The following TTN variants were observed in gnomAD, a reference collection of about 807,000 sequenced individuals.
TTN encodes connectin.
A neutral mutation model predicts 3,223.0 loss-of-function variants in TTN; 1,525 were observed. The observed-to-expected ratio is 0.47, with a 90% CI of 0.45 to 0.49. The LOEUF is 0.49. TTN is among the 20% of genes least tolerant of loss of function. The pLI, the probability that TTN is intolerant of heterozygous loss-of-function variation, is 0.00. For missense variants in TTN, 40,786 were observed against 43,424.0 expected (o/e 0.94, Z 5.40); for synonymous variants, 14,094 against 15,161.0 (o/e 0.93, Z 5.17).
chr2:178,561,600 G>T lies in TTN; in HGVS notation c.84532C>A (p.Pro28178Thr). Reference sequence around the variant, plus strand: ...ACTCGACTTCCTCCATCATTAACTGGCACTTGCCAGGTTACAAGCATGGTA... The same window carrying T: ...ACTCGACTTCCTCCATCATTAACTGTCACTTGCCAGGTTACAAGCATGGTA... ...KSTMLVTWQV[P>T]VNDGGSRVIG... Residue 28178 changes from proline to threonine, a missense_variant, in exon 326 of 363, where the codon CCA becomes ACA. Coordinates refer to ENST00000589042, the MANE Select transcript of TTN (RefSeq NM_001267550.2). 2 of 1,613,094 alleles carry T rather than the reference G, an allele frequency of 1.2e-6. No individual in the cohort carries two copies. The highest frequency in any genetic ancestry group is 1.7e-6 in the Non-Finnish European group (2 of 1,179,496).
Position 178,577,011 on chromosome 2 carries a change from A to G in TTN, c.69324T>C (p.Asn23108=), listed in dbSNP as rs147525123. Residue 23108 remains asparagine (N), a synonymous_variant, in exon 324 of 363, where the codon AAT becomes AAC. Coordinates refer to ENST00000589042, the MANE Select transcript of TTN (RefSeq NM_001267550.2). The part of the protein sequence containing the change: ...RHVATKLIQG[N]EYIFRVSAVN... ...CAGCTGAGACCCGGAAGATGTACTC[A>G]TTTCCTTGGATAAGTTTGGTTGCCA... 3 of 1,613,408 alleles carry G rather than the reference A, an allele frequency of 1.9e-6. No homozygotes were observed. The highest frequency in any genetic ancestry group is 2.5e-6 in the Non-Finnish European group (3 of 1,179,558).
intron 113 of TTN, 43 bp downstream of exon 113, chr2:178,697,078 A>C: frequency 6.8e-7 from 1 of 1,480,630 alleles, no homozygotes; most frequent in Non-Finnish European, 9.2e-7. Context: ...AGAAGTGCAA[A>C]TCTCAGGAAT....
chr2:178,692,598 C>T lies in TTN; in HGVS notation c.31595-18G>A, dbSNP rs1477509887. On this transcript the variant is annotated intron_variant, in intron 119 of 362. Transcript: ENST00000589042. Reference sequence around the variant, plus strand: ...CTCAGGGACTTTAAAAGAAAAGTGCCATTTTTGAGAAAGTGTGCATTTGAC... The same window carrying T: ...CTCAGGGACTTTAAAAGAAAAGTGCTATTTTTGAGAAAGTGTGCATTTGAC... 1.1e-5 allele frequency: 16 copies of T among 1,498,664 alleles called. No homozygotes were observed. The highest frequency in any genetic ancestry group is 1.4e-5 in the African/African-American group (1 of 70,712). 92.8% of individuals were successfully genotyped at this position (1,498,664 alleles called of 1,614,324 possible).
chr2:178,629,462 A>G lies in TTN; in HGVS notation c.44282-19T>C. ...ACTCGTGCTTTTCGAGAGGGAAGAA[A>G]CAGCTTTGCGTTACTCATTTTGTAA... is the stretch of plus-strand genomic sequence containing the variant. On this transcript the variant is annotated intron_variant, in intron 239 of 362. Coordinates refer to ENST00000589042, the MANE Select transcript of TTN (RefSeq NM_001267550.2). 1 of 1,612,448 alleles carries G rather than the reference A, an allele frequency of 6.2e-7. No individual in the cohort carries two copies. Among genetic ancestry groups the G allele is most frequent in the Non-Finnish European group, 8.5e-7 (1 of 1,179,054 alleles).
At position 178,592,259 on chromosome 2, in the gene TTN, C is replaced by G. The variant is rs1309373929; in HGVS notation, c.59645G>C (p.Arg19882Thr). Residue 19882 changes from arginine (R) to threonine (T), a missense_variant, in exon 302 of 363, where the codon AGA (arginine) becomes ACA (threonine). Coordinates refer to ENST00000589042, the MANE Select transcript of TTN (RefSeq NM_001267550.2). ...CCTAATTTCACTGACTTCCAGATCT[C>G]TAGGTGGCCCAGGTTTATCTAAAAA... is the stretch of plus-strand genomic sequence containing the variant. ...VLVLDKPGPP[R>T]DLEVSEIRKD... The G allele has an allele frequency of 1.2e-6, 2 of 1,611,404 alleles. No homozygotes were observed. Among genetic ancestry groups the G allele is most frequent in the African/African-American group, 1.3e-5 (1 of 74,816 alleles).
At position 178,577,420 on chromosome 2, in the gene TTN, A is replaced by G. The variant is rs2046677771; in HGVS notation, c.68915T>C (p.Leu22972Pro). 3 of 1,612,066 alleles carry G rather than the reference A, an allele frequency of 1.9e-6. No homozygotes were observed. In the Admixed American group the frequency reaches 5.0e-5, roughly 27 times the overall value. ...ACTTGATTTTGGAAGGGGTTTGCCA[A>G]GAATGCTAATGGCATTCAAAACAAT... The part of the protein sequence containing the change: ...DTIVLNAISI[L>P]GKPLPKSSWS... Residue 22972 changes from leucine (L) to proline (P), a missense_variant, in exon 324 of 363, where the codon CTT (leucine) becomes CCT (proline). Leu to Pro is a moderately conservative substitution (Grantham distance 98). Coordinates refer to ENST00000589042, the MANE Select transcript of TTN (RefSeq NM_001267550.2).
Position 178,531,898 on chromosome 2 carries a change from T to G in TTN, c.104717A>C (p.Asp34906Ala), listed in dbSNP as rs753500331. The G allele has an allele frequency of 6.8e-6, 11 of 1,612,586 alleles. No homozygotes were observed. The highest frequency in any genetic ancestry group is 8.5e-6 in the Non-Finnish European group (10 of 1,179,206). Residue 34906 changes from aspartate (D) to alanine (A), a missense_variant, in exon 358 of 363, where the codon GAT becomes GCT. Asp to Ala is a moderately radical substitution (Grantham distance 126). Transcript: ENST00000589042. ...CATGGACTCATACCTGGAAAAGATA[T>G]CAAATCTTGCAGACCTCTCAAATCT... ...LSRFERSARF[D>A]IFSRYESMKA...
intron 42 of TTN, 112 bp downstream of exon 42, chr2:178,764,415 G>A (rs2089988412): frequency 6.2e-7 from 1 of 1,609,788 alleles, no homozygotes; most frequent in Admixed American, 1.7e-5. Flanking sequence ...TTCAAAGTTG[G>A]GTAGCAATCT....
chr2:178,567,067 A>G lies in TTN; in HGVS notation c.79065T>C (p.Asn26355=). Residue 26355 remains asparagine (N), a synonymous_variant, in exon 326 of 363, where the codon AAT becomes AAC. Coordinates refer to ENST00000589042, the MANE Select transcript of TTN (RefSeq NM_001267550.2). ...CAGCCATTATACGGAAAACATATTC[A>G]TTACCTTCTAAGAGTTTGGTAACTT... ...SLKVTKLLEG[N]EYVFRIMAVN... The G allele has an allele frequency of 6.2e-7, 1 of 1,613,570 alleles. No individual in the cohort carries two copies. The highest frequency in any genetic ancestry group is 8.5e-7 in the Non-Finnish European group (1 of 1,179,616).
At position 178,688,150 on chromosome 2, in the gene TTN, TTTC is replaced by T. The variant is rs765140449; in HGVS notation, c.32269_32271del (p.Glu10757del). ...ACCTCTGCTTCTTCCTCCTCCTCTC[TTTC>T]TTCTTCTCTATAAACTGAAATGGAC... On this transcript the variant is annotated inframe_deletion, in exon 127 of 363. Transcript: ENST00000589042. 2.7e-5 allele frequency: 44 copies of T among 1,612,940 alleles called. No homozygotes were observed. The highest frequency in any genetic ancestry group is 3.6e-5 in the Non-Finnish European group (42 of 1,179,720).
At position 178,802,240 on chromosome 2, in the gene TTN, G is replaced by C; in HGVS notation, c.193C>G (p.Leu65Val). ...GCTTTAGTCACGGCGGGGATCGTCA[G>C]TTTAGCGCGGCCATCGCTAAAGGAG... ...QISFSDGRAKLTIPAVTKANS... is the reference protein window; with the variant it reads ...QISFSDGRAKVTIPAVTKANS... Residue 65 changes from leucine (L) to valine (V), a missense_variant, in exon 3 of 363, where the codon CTG becomes GTG. Physicochemically the swap from Leu to Val is conservative, Grantham distance 32. Transcript: ENST00000589042. The C allele has an allele frequency of 6.2e-7, 1 of 1,614,108 alleles. No homozygotes were observed.
chr2:178,721,044 A>G lies in TTN; in HGVS notation c.22975T>C (p.Phe7659Leu). 6.2e-7 allele frequency: 1 copy of G among 1,613,414 alleles called. No homozygotes were observed. Among genetic ancestry groups the G allele is most frequent in the Non-Finnish European group, 8.5e-7 (1 of 1,179,434 alleles). The change falls in exon 79 of 363, where the codon TTC (phenylalanine) becomes CTC (leucine). Residue 7659 changes from phenylalanine to leucine, a missense_variant. Phe to Leu is a conservative substitution (Grantham distance 22). Coordinates refer to ENST00000589042, the MANE Select transcript of TTN (RefSeq NM_001267550.2). Reference sequence around the variant, plus strand: ...GTAAGCAATGCCACAGAATTAATGAATGACATGTTGTATTTCCAACTTTCA... The same window carrying G: ...GTAAGCAATGCCACAGAATTAATGAGTGACATGTTGTATTTCCAACTTTCA... ...LHESWKYNMS[F>L]INSVALLTIN...
At chr2:178,619,079 A>G (rs2057852348) in intron 250 of TTN, 3 of 597,104 alleles carry the variant, frequency 5.0e-6, no homozygotes, top group South Asian at 4.6e-5. Context: ...GCATAAAATC[A>G]TAAGACATGC....
chr2:178,677,232 A>G lies in TTN; in HGVS notation c.34347T>C (p.Pro11449=). 1 of 1,222,642 alleles carries G rather than the reference A, an allele frequency of 8.2e-7. No individual in the cohort carries two copies. The highest frequency in any genetic ancestry group is 1.0e-6 in the Non-Finnish European group (1 of 982,702). The allele number at this position is 1,222,642 out of a possible 1,614,324, so 75.7% of individuals were successfully genotyped here. The change falls in exon 147 of 363, where the codon CCT becomes CCC. Residue 11449 remains proline (P), a synonymous_variant. Transcript: ENST00000589042. ...VPEKKVPVPA[P]KKVEPPPPPK... ...GTGGTGGTGGAGGTTCCACTTTTTTAGGGGCGGGAACAGGGACTTTCTTCT... is the reference window on the plus strand; with the variant it reads ...GTGGTGGTGGAGGTTCCACTTTTTTGGGGGCGGGAACAGGGACTTTCTTCT...
In TTN at chr2:178,622,008, C is replaced by A; in HGVS notation, c.44914G>T (p.Val14972Phe). ...ECELSRENAKVKWFKDGAEIK... is the reference protein window; with the variant it reads ...ECELSRENAKFKWFKDGAEIK... ...TCAGCACCATCTTTAAACCACTTAA[C>A]CTATATTTAAGATAAATAGATTATC... Residue 14972 changes from valine (V) to phenylalanine (F), a missense_variant and splice_region_variant, in exon 244 of 363, where the codon GTT becomes TTT. Val to Phe is a conservative substitution (Grantham distance 50). Coordinates refer to ENST00000589042, the MANE Select transcript of TTN (RefSeq NM_001267550.2). 6.2e-7 allele frequency: 1 copy of A among 1,601,242 alleles called. No homozygotes were observed. Among genetic ancestry groups the A allele is most frequent in the East Asian group, 2.3e-5 (1 of 44,296 alleles).
rs1201440175 is a variant in TTN at position 178,569,638 on chromosome 2, A to G, written c.76494T>C (p.Pro25498=). The part of the protein sequence containing the change: ...GVGEHADVPG[P]IIVEEKLEAP... Reference sequence around the variant, plus strand: ...CTTCTAATTTTTCTTCAACTATAATAGGTCCAGGGACGTCAGCATGTTCTC... The same window carrying G: ...CTTCTAATTTTTCTTCAACTATAATGGGTCCAGGGACGTCAGCATGTTCTC... The change falls in exon 326 of 363, where the codon CCT becomes CCC. Residue 25498 remains proline, a synonymous_variant. Coordinates refer to ENST00000589042, the MANE Select transcript of TTN (RefSeq NM_001267550.2). The G allele has an allele frequency of 1.2e-6, 2 of 1,611,996 alleles. No individual in the cohort carries two copies. The highest frequency in any genetic ancestry group is 1.1e-5 in the South Asian group (1 of 90,904).
intron 242 of TTN, 70 bp from the exon 243 acceptor site, chr2:178,622,837 C>A: frequency 8.4e-7 from 1 of 1,188,786 alleles, no homozygotes. Context: ...CCATAGTATA[C>A]ATTAAGAAAA....
Position 178,568,669 on chromosome 2 carries a change from A to T in TTN, c.77463T>A (p.Ile25821=). ...TAATGGTTGGCTTAGGACGTCCAGA[A>T]ATTGGCACTTCTATTTTCAAATCTT... ...VGQDLKIEVP[I]SGRPKPTITW... is the part of the protein sequence containing the mutation. The change falls in exon 326 of 363, where the codon ATT becomes ATA. Residue 25821 remains isoleucine, a synonymous_variant. Coordinates refer to ENST00000589042, the MANE Select transcript of TTN (RefSeq NM_001267550.2). 1 of 1,613,386 alleles carries T rather than the reference A, an allele frequency of 6.2e-7. No homozygotes were observed. The highest frequency in any genetic ancestry group is 1.1e-5 in the South Asian group (1 of 91,044).
In TTN at chr2:178,775,419, T is replaced by G. The variant is rs967525723; in HGVS notation, c.6445A>C (p.Ile2149Leu). The G allele has an allele frequency of 6.2e-7, 1 of 1,613,956 alleles. No individual in the cohort carries two copies. Among genetic ancestry groups the G allele is most frequent in the Non-Finnish European group, 8.5e-7 (1 of 1,180,010 alleles). ...GCTATGTTGATGGCTTTTACCATGA[T>G]GCTGGCAGAGTCCTCAGCAGTCACA... ...RDVTAEDSASIMVKAINIAGE... is the reference protein window; with the variant it reads ...RDVTAEDSASLMVKAINIAGE... Residue 2149 changes from isoleucine (I) to leucine (L), a missense_variant, in exon 28 of 363, where the codon ATC becomes CTC. Ile to Leu is a conservative substitution (Grantham distance 5, BLOSUM62 2). Transcript: ENST00000589042.
Sources: allele counts gnomAD v4.1 joint callset, GRCh38; gene constraint gnomAD v4.1.1; transcripts MANE v1.5; gene names NCBI Gene and HGNC (gene_info 2026-07-23, HGNC 2026-07-21).